ZNF527: variants seen among roughly 807,000 people sequenced by gnomAD.
The protein encoded by ZNF527 is zinc finger protein 527.
Under a neutral mutation model 13.5 loss-of-function variants are expected in ZNF527, and 5 were observed. The observed-to-expected ratio is 0.37, with a 90% CI of 0.19 to 0.78. The LOEUF (loss-of-function observed/expected upper bound fraction) is 0.78. ZNF527 is among the 30% of genes least tolerant of loss of function. The pLI is 0.48. For synonymous variants in ZNF527, 209 were observed against 243.1 expected, an observed-to-expected ratio of 0.86 and a Z score of 1.30; for missense variants, 628 against 726.4, an observed-to-expected ratio of 0.86 and a Z score of 1.56.
intron 4 of ZNF527, among the ~76,000 whole-genome samples, chr19:37,386,612 C>G (rs2040702004): frequency 2.0e-5 from 3 of 152,042 alleles, no homozygotes. Context: ...TAGTGGCTAC[C>G]GTATTGGATA....
chr19:37,381,691 T>G (rs1424031482), intron 4 of ZNF527, among the ~76,000 whole-genome samples: 1 of 152,230 alleles, frequency 6.6e-6, no homozygotes, highest in Non-Finnish European at 1.5e-5. Context: ...CTGTAATTTT[T>G]GCCCATTTAT....
intron 3 of ZNF527, 123 bp downstream of exon 3, chr19:37,379,369 GTTCC>G: frequency 3.3e-6 from 3 of 901,406 alleles, no homozygotes; most frequent in Non-Finnish European, 4.7e-6. Context: ...TCTACTTCCT[GTTCC>G]CAGGAAATGA....
intron 3 of ZNF527, 135 bp from the exon 4 acceptor site, chr19:37,380,141 TA>T (rs1206907619): frequency 7.0e-7 from 1 of 1,428,234 alleles, no homozygotes; most frequent in Admixed American, 2.7e-5. Context: ...TTCCATTCTC[TA>T]GCTCTTCCTC....
intron 4 of ZNF527, among the ~76,000 whole-genome samples, chr19:37,386,880 G>A (rs1403591405): frequency 6.6e-6 from 1 of 152,216 alleles, no homozygotes; most frequent in Non-Finnish European, 1.5e-5. Context: ...ATCCAGGCAA[G>A]TGAGTGAGGG....
At chr19:37,383,029 A>T (rs1676563284) in intron 4 of ZNF527, among the ~76,000 whole-genome samples, 1 of 151,980 alleles carries the variant, frequency 6.6e-6, no homozygotes, top group Admixed American at 6.6e-5. Context: ...TTTTATAAGG[A>T]ATTGCTACAT....
chr19:37,387,013 G>A (rs989663434), intron 4 of ZNF527, among the ~76,000 whole-genome samples: 1 of 152,170 alleles, frequency 6.6e-6, no homozygotes, highest in South Asian at 2.1e-4. Context: ...TATATAGGAC[G>A]GACTGGTAGG....
chr19:37,378,305 G>A (rs1267497314), intron 2 of ZNF527, among the ~76,000 whole-genome samples: 2 of 152,088 alleles, frequency 1.3e-5, no homozygotes, highest in African/African-American at 4.8e-5. Flanking sequence ...TGGGATTACA[G>A]GCGTGAACCA....
chr19:37,380,299 C>T lies in ZNF527; in HGVS notation c.183C>T (p.Asn61=), dbSNP rs985137898. 18 of 1,614,110 alleles carry T rather than the reference C, an allele frequency of 1.1e-5. No individual in the cohort carries two copies. The Middle Eastern group carries it at 8.3e-4, about 74-fold the overall frequency. ...CAGGACTCTCCATTTCTAAGCCCAA[C>T]ATGATCTCCTTACTGGAGCAAGGGA... ...VWLGLSISKP[N]MISLLEQGKE... is the part of the protein sequence containing the mutation. Residue 61 remains asparagine, a synonymous_variant, in exon 4 of 5, where the codon AAC becomes AAT. Coordinates refer to ENST00000436120, the MANE Select transcript of ZNF527 (RefSeq NM_032453.2).
intron 1 of ZNF527, among the ~76,000 whole-genome samples, chr19:37,373,835 G>T (rs1408987467): frequency 6.6e-6 from 1 of 152,212 alleles, no homozygotes; most frequent in Non-Finnish European, 1.5e-5. Flanking sequence ...GAAGACATGT[G>T]CCTGGAGTGT....
rs1568698040 is a variant in ZNF527, at chr19:37,388,787, T to C, written c.738T>C (p.Tyr246=). 1.2e-6 allele frequency: 2 copies of C among 1,613,056 alleles called. No homozygotes were observed. The highest frequency in any genetic ancestry group is 1.7e-5 in the Admixed American group (1 of 59,840). The change falls in exon 5 of 5, where the codon TAT becomes TAC. Residue 246 remains tyrosine (Y), a synonymous_variant. Transcript: ENST00000436120. ...DIGIPPGEKP[Y]ESHDFSKLLS... The stretch of plus-strand genomic sequence containing the variant: ...GAATTCCTCCTGGGGAGAAACCTTA[T>C]GAAAGTCATGATTTTTCAAAGCTCT...
Position 37,382,345 on chromosome 19 carries a change from C to T in ZNF527, c.256+1973C>T, listed in dbSNP as rs546364550. ...GATAGATAGATATTTACACACACAC[C>T]CCTATATTTATTTCTGCCTCTTTTT... On this transcript the variant is annotated intron_variant, in intron 4 of 4. Transcript: ENST00000436120. Among the ~76,000 whole-genome samples, 6 of 151,844 alleles carry T rather than the reference C, an allele frequency of 4.0e-5. No individual in the cohort carries two copies. The East Asian group carries it at 7.7e-4, about 20-fold the overall frequency.
chr19:37,380,645 A>G (rs1258883563), intron 4 of ZNF527, among the ~76,000 whole-genome samples: 2 of 151,756 alleles, frequency 1.3e-5, no homozygotes, highest in Non-Finnish European at 2.9e-5. Context: ...TTTCTTTTTC[A>G]GAGTTTTTAT....
chr19:37,378,128 AGCAATTCTCCT>A (rs144391475), intron 2 of ZNF527, among the ~76,000 whole-genome samples: 1,937 of 152,010 alleles, frequency 0.013, 38 homozygotes, highest in East Asian at 0.052. Flanking sequence ...CCCGAGTTCA[AGCAATTCTCCT>A]GCCTCAGCCT....
chr19:37,374,154 T>C lies in ZNF527; in HGVS notation c.-41-4T>C. The C allele has an allele frequency of 6.2e-7, 1 of 1,600,356 alleles. No individual in the cohort carries two copies. Among genetic ancestry groups the C allele is most frequent in the East Asian group, 2.2e-5 (1 of 44,794 alleles). On this transcript the variant is annotated splice_region_variant and splice_polypyrimidine_tract_variant and intron_variant, in intron 1 of 4. Transcript: ENST00000436120. ...TCATTTCTTCATTAACTCTCCCTTC[T>C]CAGGACTTTGTTCTTCTTCAGAAGA...
intron 1 of ZNF527, among the ~76,000 whole-genome samples, chr19:37,372,192 G>A (rs1276980104): frequency 6.6e-6 from 1 of 151,840 alleles, no homozygotes. Flanking sequence ...TAGAGACGAG[G>A]TTTCACCATG....
In ZNF527 at chr19:37,374,191, A is replaced by G. The variant is rs751451599; in HGVS notation, c.-8A>G. ...TCTTCTTCAGAAGAGAAAACTGAAG[A>G]AGGAGGAATGGCTGTGGGGCTTTGT... On this transcript the variant is annotated 5_prime_UTR_variant, in exon 2 of 5. Coordinates refer to ENST00000436120, the MANE Select transcript of ZNF527 (RefSeq NM_032453.2). 1.1e-5 allele frequency: 17 copies of G among 1,613,940 alleles called. No individual in the cohort carries two copies. Among genetic ancestry groups the G allele is most frequent in the Non-Finnish European group, 1.1e-5 (13 of 1,179,864 alleles).
At chr19:37,384,981 G>C (rs2146818744) in intron 4 of ZNF527, 1 of 701,074 alleles carries the variant, frequency 1.4e-6, no homozygotes, top group East Asian at 2.7e-5. Flanking sequence ...CACTGCACCT[G>C]GTTAATTTTT....
At chr19:37,383,003 G>A (rs570407087) in intron 4 of ZNF527, among the ~76,000 whole-genome samples, 54 of 151,958 alleles carry the variant, frequency 3.6e-4, no homozygotes, top group Non-Finnish European at 6.8e-4. Context: ...CACCATGCCC[G>A]GCCGTATATA....
At position 37,391,335 on chromosome 19, in the gene ZNF527, C is replaced by G. The variant is rs377455382; in HGVS notation, c.*1456C>G. 2 of 151,930 alleles carry G rather than the reference C, an allele frequency of 1.3e-5. No homozygotes were observed. The highest frequency in any genetic ancestry group is 4.8e-5 in the African/African-American group (2 of 41,366). The allele number at this position is 151,930 out of a possible 1,614,324, so 9.4% of individuals were successfully genotyped here. ...CTGTAATCCGAGCACTTTGGGAGGC[C>G]GAGGTGGGCAGATCACCTGAGGTCA... On this transcript the variant is annotated 3_prime_UTR_variant, in exon 5 of 5. Coordinates refer to ENST00000436120, the MANE Select transcript of ZNF527 (RefSeq NM_032453.2).
Sources: allele counts gnomAD v4.1 joint callset (sites outside exome capture counted in the v4.1 genomes callset), GRCh38; gene constraint gnomAD v4.1.1; transcripts MANE v1.5; gene names NCBI Gene and HGNC (gene_info 2026-07-23, HGNC 2026-07-21).